Variants in SLC4A9 observed in about 807,000 individuals in gnomAD.
SLC4A9 encodes solute carrier family 4 member 9.
Under a neutral mutation model 103.2 loss-of-function variants are expected in SLC4A9, and 102 were observed. That is an observed-to-expected ratio of 0.99 (90% CI 0.84 to 1.17). SLC4A9 has a LOEUF of 1.17. SLC4A9 is among the 50% of genes most tolerant of loss of function. The probability of loss-of-function intolerance (pLI) is 0.00; values close to 1 mark genes in which losing one functional copy is unlikely to be tolerated. For synonymous variants in SLC4A9, 453 were observed against 483.6 expected, an observed-to-expected ratio of 0.94 and a Z score of 0.83; for missense variants, 1,091 against 1,193.7, an observed-to-expected ratio of 0.91 and a Z score of 1.27.
At chr5:140,367,085 C>T (rs149411678) in intron 14 of SLC4A9, among the ~76,000 whole-genome samples, 8 of 152,306 alleles carry the variant, frequency 5.3e-5, no homozygotes, top group Middle Eastern at 3.4e-3. Context: ...TTGCCCCACC[C>T]GGGATAGGGG....
Position 140,365,924 on chromosome 5 carries a change from C to T in SLC4A9, c.1801C>T (p.Pro601Ser), listed in dbSNP as rs753165689. The change falls in exon 13 of 22, where the codon CCA becomes TCA. Residue 601 changes from proline (P) to serine (S), a missense_variant. Transcript: ENST00000506757. ...HPRGPGCHTV[P>S]DIAFFSLLLF... ...TCGTGGCCCTGGCTGTCATACAGTCCCAGACATTGCCTTCTTCTCCCTTCT... is the reference window on the plus strand; with the variant it reads ...TCGTGGCCCTGGCTGTCATACAGTCTCAGACATTGCCTTCTTCTCCCTTCT... 6.2e-7 allele frequency: 1 copy of T among 1,614,024 alleles called. No individual in the cohort carries two copies. Among genetic ancestry groups the T allele is most frequent in the South Asian group, 1.1e-5 (1 of 91,068 alleles).
intron 17 of SLC4A9, among the ~76,000 whole-genome samples, chr5:140,369,944 A>G (rs927987432): frequency 2.6e-5 from 4 of 152,018 alleles, no homozygotes; most frequent in Non-Finnish European, 5.9e-5. Flanking sequence ...CTAGGCTGCA[A>G]TGAGCCAGGT....
chr5:140,369,213 C>T (rs1332815639), intron 17 of SLC4A9, among the ~76,000 whole-genome samples: 2 of 151,116 alleles, frequency 1.3e-5, no homozygotes, highest in Non-Finnish European at 2.9e-5. Flanking sequence ...GTGGAAGGAT[C>T]GCTTGAGCCC....
chr5:140,361,062 C>T, intron 2 of SLC4A9, 90 bp downstream of exon 2: 1 of 1,312,794 alleles, frequency 7.6e-7, no homozygotes. Flanking sequence ...TTCCAGAGCC[C>T]ATCCCTACCC....
At chr5:140,361,177 T>G in intron 2 of SLC4A9, 77 bp from the exon 3 acceptor site, 6 of 1,371,904 alleles carry the variant, frequency 4.4e-6, no homozygotes, top group Non-Finnish European at 6.1e-6. Flanking sequence ...GGGAAAGGTG[T>G]CTGGGCAGAG....
chr5:140,366,154 C>T lies in SLC4A9; in HGVS notation c.1903C>T (p.Arg635Cys), dbSNP rs200288269. The change falls in exon 14 of 22, where the codon CGC (arginine) becomes TGC (cysteine). Residue 635 changes from arginine (R) to cysteine (C), a missense_variant. Physicochemically the swap from Arg to Cys is radical, Grantham distance 180. Transcript: ENST00000506757. ...KTSRFFPSVV[R>C]KGLSDFSSVL... ...CTGAGTGTCCACTGTGTGCCAGGTG[C>T]GCAAAGGGCTCAGCGACTTCTCCTC... The T allele has an allele frequency of 4.9e-5, 79 of 1,612,908 alleles. No individual in the cohort carries two copies. Among genetic ancestry groups the T allele is most frequent in the African/African-American group, 1.6e-4 (12 of 74,886 alleles).
rs1193207991 is a variant in SLC4A9, at chr5:140,360,877, C to A, written c.296C>A (p.Thr99Asn). Reference protein sequence around the residue: ...AGRWSAPHVPTLALPSLQKLR... With the variant: ...AGRWSAPHVPNLALPSLQKLR... ...CGGTGGAGTGCCCCCCACGTGCCCA[C>A]CCTGGCACTGCCCAGCCTCCAGAAG... Residue 99 changes from threonine (T) to asparagine (N), a missense_variant, in exon 2 of 22, where the codon ACC (threonine) becomes AAC (asparagine). By Grantham distance (65) the Thr-to-Asn change is moderately conservative (BLOSUM62 0). Transcript: ENST00000506757. The A allele has an allele frequency of 1.9e-6, 3 of 1,611,922 alleles. No individual in the cohort carries two copies. The highest frequency in any genetic ancestry group is 4.5e-5 in the East Asian group (2 of 44,842).
At chr5:140,367,652 T>C in intron 15 of SLC4A9, 68 bp from the exon 16 acceptor site, 1 of 1,602,742 alleles carries the variant, frequency 6.2e-7, no homozygotes, top group Non-Finnish European at 8.5e-7. Flanking sequence ...CCTCCTCTCC[T>C]ACCTCAGAGG....
Position 140,364,053 on chromosome 5 carries a change from G to T in SLC4A9, c.1255-1G>T. On this transcript the variant is annotated splice_acceptor_variant, in intron 9 of 21. Coordinates refer to ENST00000506757, the MANE Select transcript of SLC4A9 (RefSeq NM_031467.3). LOFTEE classifies it high-confidence loss of function. ...TGTGCTGAGCCCCTGTTGGCTTCCA[G>T]GGAGTGCTGGAAAGTTTCCTGGGCA... is the stretch of plus-strand genomic sequence containing the variant. 1 of 1,535,184 alleles carries T rather than the reference G, an allele frequency of 6.5e-7. No homozygotes were observed. Among genetic ancestry groups the T allele is most frequent in the East Asian group, 2.3e-5 (1 of 43,834 alleles).
intron 17 of SLC4A9, among the ~76,000 whole-genome samples, chr5:140,370,483 A>G (rs891459299): frequency 1.3e-5 from 2 of 152,002 alleles, no homozygotes; most frequent in African/African-American, 4.8e-5. Flanking sequence ...AAAAACAAAA[A>G]CAAAAAAACA....
rs1409180538 is a variant in SLC4A9, at chr5:140,362,014, C to T, written c.562-3C>T. ...TTCTGTGTCTCCTTGAACCCCCATC[C>T]AGTGTCAGAACCCCCTGAGACAGAA... On this transcript the variant is annotated splice_polypyrimidine_tract_variant and splice_region_variant and intron_variant, in intron 4 of 21. Transcript: ENST00000506757. The T allele has an allele frequency of 6.2e-7, 1 of 1,613,376 alleles. No homozygotes were observed. Among genetic ancestry groups the T allele is most frequent in the Non-Finnish European group, 8.5e-7 (1 of 1,179,740 alleles).
intron 12 of SLC4A9, 113 bp from the exon 13 acceptor site, chr5:140,365,721 C>A: frequency 7.0e-7 from 1 of 1,425,330 alleles, no homozygotes; most frequent in Non-Finnish European, 9.6e-7. Flanking sequence ...TGGGAACTTC[C>A]CATCCTGGGC....
chr5:140,368,249 A>C (rs752321893), intron 16 of SLC4A9, among the ~76,000 whole-genome samples: 5 of 152,254 alleles, frequency 3.3e-5, no homozygotes, highest in Non-Finnish European at 7.3e-5. Context: ...GCACAGTCTA[A>C]GTATCTAAAG....
chr5:140,369,645 G>C (rs1399056205), intron 17 of SLC4A9, among the ~76,000 whole-genome samples: 1 of 151,724 alleles, frequency 6.6e-6, no homozygotes, highest in African/African-American at 2.4e-5. Context: ...GAAAGAGCCA[G>C]ATGGACCGGA....
At position 140,368,649 on chromosome 5, in the gene SLC4A9, C is replaced by T. The variant is rs746815190; in HGVS notation, c.2417C>T (p.Pro806Leu). ...ACAGGAGCCTCCATCTTCCTGGCAC[C>T]TGTGCTCAAGGTACCTTTGTTATAC... ...ILTGASIFLAPVLKFIPMPVL... is the reference protein window; with the variant it reads ...ILTGASIFLALVLKFIPMPVL... The change falls in exon 17 of 22, where the codon CCT becomes CTT. Residue 806 changes from proline (P) to leucine (L), a missense_variant. Coordinates refer to ENST00000506757, the MANE Select transcript of SLC4A9 (RefSeq NM_031467.3). 6.8e-6 allele frequency: 11 copies of T among 1,613,430 alleles called. No individual in the cohort carries two copies. The East Asian group carries it at 2.5e-4, about 36-fold the overall frequency.
chr5:140,363,368 C>T lies in SLC4A9; in HGVS notation c.963-71C>T. ...AGAGCAGCCGCTAGGGGGCAGGGCGCCACGAGCTCTGGACCGAGTCGCAGA... is the reference window on the plus strand; with the variant it reads ...AGAGCAGCCGCTAGGGGGCAGGGCGTCACGAGCTCTGGACCGAGTCGCAGA... On this transcript the variant is annotated intron_variant, in intron 7 of 21. Transcript: ENST00000506757. The surrounding 1 kb of genome is among the most constrained non-coding windows in gnomAD (Gnocchi z 4.5). 1 of 1,390,602 alleles carries T rather than the reference C, an allele frequency of 7.2e-7. No homozygotes were observed. The highest frequency in any genetic ancestry group is 2.5e-5 in the East Asian group (1 of 39,842). 86.1% of individuals were successfully genotyped at this position (1,390,602 alleles called of 1,614,324 possible).
At position 140,372,726 on chromosome 5, in the gene SLC4A9, T is replaced by G; in HGVS notation, c.2827-19T>G. The G allele has an allele frequency of 1.3e-6, 2 of 1,554,728 alleles. No individual in the cohort carries two copies. Among genetic ancestry groups the G allele is most frequent in the South Asian group, 2.4e-5 (2 of 83,148 alleles). On this transcript the variant is annotated intron_variant, in intron 20 of 21. Transcript: ENST00000506757. ...CTTTCTATCTATTCTCAATCCATCTTGGGATCTGTCTTCCACAGTCAGAGC... is the reference window on the plus strand; with the variant it reads ...CTTTCTATCTATTCTCAATCCATCTGGGGATCTGTCTTCCACAGTCAGAGC...
chr5:140,368,386 C>T (rs1768207592), intron 16 of SLC4A9, among the ~76,000 whole-genome samples: 1 of 152,206 alleles, frequency 6.6e-6, no homozygotes, highest in Admixed American at 6.5e-5. Flanking sequence ...GTCTGGGACT[C>T]TCACCTTGAA....
At chr5:140,365,012 G>T (rs1425849421) in intron 11 of SLC4A9, among the ~76,000 whole-genome samples, 1 of 152,182 alleles carries the variant, frequency 6.6e-6, no homozygotes, top group Admixed American at 6.5e-5. Flanking sequence ...GAGAGAAAGG[G>T]GCAGGGCCAG....
Sources: gnomAD v4.1 joint callset for allele counts (sites outside exome capture counted in the v4.1 genomes callset) on GRCh38, gnomAD v4.1.1 for gene constraint, Gnocchi (gnomAD v3.1) non-coding constraint, MANE v1.5 for transcripts, NCBI Gene and HGNC (gene_info 2026-07-23, HGNC 2026-07-21) for gene names.